Variants in SRI observed in about 807,000 individuals in gnomAD.
SRI encodes the protein 22 kDa protein.
A neutral mutation model predicts 33.3 loss-of-function variants in SRI; 30 were observed. That is an observed-to-expected ratio of 0.90 (90% CI 0.67 to 1.22). The LOEUF (loss-of-function observed/expected upper bound fraction) is 1.22. SRI is among the 50% of genes most tolerant of loss of function. SRI has a pLI of 0.00. For synonymous variants in SRI, 75 were observed against 89.9 expected (o/e 0.83, Z 0.94); for missense variants, 243 against 250.8 (o/e 0.97, Z 0.21).
chr7:88,220,160 T>A, upstream of SRI: 1 of 1,336,832 alleles, frequency 7.5e-7, no homozygotes. Flanking sequence ...CGCAGTCGTC[T>A]CCAGCTCTTG....
Position 88,217,065 on chromosome 7 carries a change from A to G in SRI, c.205+57T>C, listed in dbSNP as rs546320389. ...CTTGAAGGCTGTAATCACAAGTAAC[A>G]GCTAAGATAGGAAACACAAGAGTAT... On this transcript the variant is annotated intron_variant, in intron 3 of 7. Coordinates refer to ENST00000265729, the MANE Select transcript of SRI (RefSeq NM_003130.4). 33 of 1,493,554 alleles carry G rather than the reference A, an allele frequency of 2.2e-5. 1 individual carries two copies. In the South Asian group the frequency reaches 3.5e-4, roughly 16 times the overall value. 92.5% of individuals were successfully genotyped at this position (1,493,554 alleles called of 1,614,324 possible). A position where few individuals can be genotyped will look rare whatever the true frequency, so the allele number is the denominator to read the frequency against.
At chr7:88,208,885 G>T (rs555607465) in intron 6 of SRI, 52 of 341,658 alleles carry the variant, frequency 1.5e-4, no homozygotes, top group African/African-American at 1.0e-3. Context: ...TAAAAGCACC[G>T]AATTTCTAGC....
At chr7:88,207,911 C>A (rs953774229) in intron 7 of SRI, 2 of 152,052 alleles carry the variant, frequency 1.3e-5, no homozygotes, top group African/African-American at 4.8e-5. Context: ...TCGCTAGAAC[C>A]CGAGACGTGG....
At chr7:88,224,330 A>G (rs1448993070), upstream of SRI, among the ~76,000 whole-genome samples, 1 of 152,254 alleles carries the variant, frequency 6.6e-6, no homozygotes, top group African/African-American at 2.4e-5. Flanking sequence ...CTTCGCTCAG[A>G]TAAGTGGTGA....
In SRI at chr7:88,209,982, C is replaced by A. The variant is rs746639982; in HGVS notation, c.397+1G>T. 3.7e-6 allele frequency: 6 copies of A among 1,613,978 alleles called. No homozygotes were observed. The African/African-American group carries it at 8.0e-5, about 22-fold the overall frequency. On this transcript the variant is annotated splice_donor_variant, in intron 5 of 7. Transcript: ENST00000265729. LOFTEE classifies it high-confidence loss of function. ...GGAGAGTTCTAGTAAGCCATACCTA[C>A]CCATTGTTGTCAGGGCCTTCTGCAA...
At chr7:88,215,201 C>G (rs915709657) in intron 3 of SRI, among the ~76,000 whole-genome samples, 3 of 152,190 alleles carry the variant, frequency 2.0e-5, no homozygotes, top group Non-Finnish European at 4.4e-5. Context: ...TTCTGTGGTT[C>G]AGTACGGCCA....
At chr7:88,223,461 GC>G (rs1275981742), upstream of SRI, among the ~76,000 whole-genome samples, 2 of 152,050 alleles carry the variant, frequency 1.3e-5, no homozygotes, top group Non-Finnish European at 2.9e-5. Flanking sequence ...AGGCCTGTGG[GC>G]CATACAGTCT....
upstream of SRI, among the ~76,000 whole-genome samples, chr7:88,220,357 CT>C (rs60686940): frequency 0.047 from 6,930 of 147,144 alleles, 527 homozygotes; most frequent in African/African-American, 0.16. Flanking sequence ...CCCAGGAATT[CT>C]TTTTTTTTTT....
In SRI at chr7:88,218,952, A is replaced by G. The variant is rs768629236; in HGVS notation, c.52-10T>C. ...CGGGAGCCCCTCCATACTGTGAAACAGGAAACACATACACGTCATTCTGCC... is the reference window on the plus strand; with the variant it reads ...CGGGAGCCCCTCCATACTGTGAAACGGGAAACACATACACGTCATTCTGCC... On this transcript the variant is annotated splice_polypyrimidine_tract_variant and intron_variant, in intron 1 of 7. Transcript: ENST00000265729. The G allele has an allele frequency of 1.5e-5, 24 of 1,611,984 alleles. No individual in the cohort carries two copies. The highest frequency in any genetic ancestry group is 5.0e-5 in the Admixed American group (3 of 59,984).
chr7:88,206,360 A>C lies in SRI; in HGVS notation c.*118T>G. Reference sequence around the variant, plus strand: ...TTGTACATAAAGTAATAAACTTTACAACAGCTGTTAAGAGAAAGTCGTGAT... The same window carrying C: ...TTGTACATAAAGTAATAAACTTTACCACAGCTGTTAAGAGAAAGTCGTGAT... On this transcript the variant is annotated 3_prime_UTR_variant, in exon 8 of 8. Coordinates refer to ENST00000265729, the MANE Select transcript of SRI (RefSeq NM_003130.4). 1 of 1,155,432 alleles carries C rather than the reference A, an allele frequency of 8.7e-7. No homozygotes were observed. The highest frequency in any genetic ancestry group is 1.3e-6 in the Non-Finnish European group (1 of 763,480). The allele number at this position is 1,155,432 out of a possible 1,614,324, so 71.6% of individuals were successfully genotyped here.
chr7:88,216,281 G>C (rs1314095663), intron 3 of SRI, among the ~76,000 whole-genome samples: 2 of 151,618 alleles, frequency 1.3e-5, no homozygotes, highest in Non-Finnish European at 2.9e-5. Flanking sequence ...CCCTGCCAGG[G>C]ATGGAGCATC....
intron 1 of SRI, among the ~76,000 whole-genome samples, chr7:88,225,360 T>C (rs1284270377): frequency 1.3e-5 from 2 of 152,230 alleles, no homozygotes; most frequent in Non-Finnish European, 2.9e-5. Context: ...TTTATATATA[T>C]ACTTTCTTAT....
upstream of SRI, among the ~76,000 whole-genome samples, chr7:88,222,191 T>C (rs2115824262): frequency 6.6e-6 from 1 of 151,006 alleles, no homozygotes; most frequent in African/African-American, 2.5e-5. Flanking sequence ...TATAGTCCTT[T>C]GGGTATATAC....
At chr7:88,220,357 CTTT>C (rs60686940), upstream of SRI, among the ~76,000 whole-genome samples, 105 of 147,302 alleles carry the variant, frequency 7.1e-4, no homozygotes, top group Non-Finnish European at 6.7e-4. Context: ...CCCAGGAATT[CTTT>C]TTTTTTTTTT....
chr7:88,206,346 G>A lies in SRI; in HGVS notation c.*132C>T, dbSNP rs1851438726. ...AAACAAAACTTCAGTTGTACATAAA[G>A]TAATAAACTTTACAACAGCTGTTAA... On this transcript the variant is annotated 3_prime_UTR_variant, in exon 8 of 8. Transcript: ENST00000265729. The A allele has an allele frequency of 2.8e-6, 3 of 1,053,958 alleles. No individual in the cohort carries two copies. Among genetic ancestry groups the A allele is most frequent in the Non-Finnish European group, 4.4e-6 (3 of 675,262 alleles). 65.3% of individuals were successfully genotyped at this position (1,053,958 alleles called of 1,614,324 possible).
chr7:88,206,563 T>C, intron 7 of SRI, 59 bp from the exon 8 acceptor site: 1 of 1,599,442 alleles, frequency 6.3e-7, no homozygotes, highest in East Asian at 2.2e-5. Flanking sequence ...GCACAGCCTA[T>C]TTCTGGCAGC....
rs1366065567 is a variant in SRI at position 88,215,298 on chromosome 7, C to T, written c.205+1824G>A. Reference sequence around the variant, plus strand: ...TTAATGCATTGATCTAAGGCCATCACTAAATGTGGCTTTCTCAATGAAATT... The same window carrying T: ...TTAATGCATTGATCTAAGGCCATCATTAAATGTGGCTTTCTCAATGAAATT... On this transcript the variant is annotated intron_variant, in intron 3 of 7. Transcript: ENST00000265729. Among the ~76,000 whole-genome samples the T allele has an allele frequency of 3.3e-5, 5 of 152,210 alleles. No individual in the cohort carries two copies. The South Asian group carries it at 6.2e-4, about 19-fold the overall frequency.
chr7:88,214,693 A>T (rs1563474530), intron 3 of SRI: 1 of 269,352 alleles, frequency 3.7e-6, no homozygotes, highest in Non-Finnish European at 5.7e-6. Flanking sequence ...TATAATTATA[A>T]CTATAAATTA....
At chr7:88,221,904 G>A (rs1455058659), upstream of SRI, among the ~76,000 whole-genome samples, 1 of 146,482 alleles carries the variant, frequency 6.8e-6, no homozygotes, top group African/African-American at 2.5e-5. Context: ...TGATCTCATC[G>A]TTCAGTTCCC....
Sources: allele counts gnomAD v4.1 joint callset (sites outside exome capture counted in the v4.1 genomes callset), GRCh38; gene constraint gnomAD v4.1.1; transcripts MANE v1.5; gene names NCBI Gene and HGNC (gene_info 2026-07-23, HGNC 2026-07-21).